The following AGAP1 variants were observed in gnomAD, a reference collection of about 807,000 sequenced individuals.
AGAP1 encodes ArfGAP with GTPase domain, ankyrin repeat and PH domain 1.
Under a neutral mutation model 105.3 loss-of-function variants are expected in AGAP1, and 29 were observed. The observed-to-expected ratio is 0.28, with a 90% CI of 0.21 to 0.38. The LOEUF (loss-of-function observed/expected upper bound fraction) is 0.38. Among genes scored for constraint, AGAP1 ranks in the 10% least tolerant of loss-of-function variants. AGAP1 has a pLI of 1.00. For missense variants in AGAP1, 998 were observed against 1,165.1 expected (o/e 0.86, Z 2.09); for synonymous variants, 509 against 485.9 (o/e 1.05, Z -0.63).
intron 1 of AGAP1, among the ~76,000 whole-genome samples, chr2:235,629,268 T>TG (rs1447460667): frequency 3.7e-5 from 5 of 135,722 alleles, no homozygotes; most frequent in Non-Finnish European, 7.9e-5. Context: ...GTAGTAGTCA[T>TG]TGTGTGTGTG....
chr2:235,586,700 G>A lies in AGAP1; in HGVS notation c.163+91851G>A, dbSNP rs368140906. Among the ~76,000 whole-genome samples the A allele has an allele frequency of 3.9e-5, 6 of 152,290 alleles. No individual in the cohort carries two copies. Among genetic ancestry groups the A allele is most frequent in the South Asian group, 4.1e-4 (2 of 4,826 alleles). On this transcript the variant is annotated intron_variant, in intron 1 of 17. Coordinates refer to ENST00000304032, the MANE Select transcript of AGAP1 (RefSeq NM_001037131.3). The surrounding 1 kb of genome is among the most constrained non-coding windows in gnomAD (Gnocchi z 4.2). ...TGTGCAGGACTGCCCCGTACAGTAC[G>A]GCTTCTATGTGTGAACAACACAGAC... is the stretch of plus-strand genomic sequence containing the variant.
rs572942152 is a variant in AGAP1, at chr2:235,508,952, T to C, written c.163+14103T>C. 1.2e-4 allele frequency among the ~76,000 whole-genome samples: 18 copies of C among 152,302 alleles called. No homozygotes were observed. In the South Asian group the frequency reaches 3.5e-3, roughly 30 times the overall value. ...CAGTGCACGGGCGGGATGCCGAGTG[T>C]GTCGCCAAACTCCACCACTTTAGTC... On this transcript the variant is annotated intron_variant, in intron 1 of 17. Coordinates refer to ENST00000304032, the MANE Select transcript of AGAP1 (RefSeq NM_001037131.3).
At chr2:235,699,073 C>G (rs1035859915) in intron 1 of AGAP1, among the ~76,000 whole-genome samples, 2 of 151,014 alleles carry the variant, frequency 1.3e-5, no homozygotes, top group Non-Finnish European at 3.0e-5. Flanking sequence ...CAGACATCCC[C>G]CCCCCCCACC....
chr2:235,527,740 CAG>C (rs979868222), intron 1 of AGAP1, among the ~76,000 whole-genome samples: 1 of 152,118 alleles, frequency 6.6e-6, no homozygotes, highest in African/African-American at 2.4e-5. Flanking sequence ...ACGGTAGAAA[CAG>C]GGTGGAAAAA....
At chr2:235,649,008 C>T (rs764413877) in intron 1 of AGAP1, among the ~76,000 whole-genome samples, 2 of 152,106 alleles carry the variant, frequency 1.3e-5, no homozygotes, top group Non-Finnish European at 2.9e-5. Flanking sequence ...TTGGGGGACT[C>T]GGAACAGGGT....
intron 6 of AGAP1, among the ~76,000 whole-genome samples, chr2:235,778,679 G>A (rs1401736729): frequency 6.6e-6 from 1 of 152,198 alleles, no homozygotes; most frequent in Admixed American, 6.5e-5. Context: ...GGAAACTGGT[G>A]ATGATAGAGG....
chr2:235,644,551 AG>A (rs1397271575), intron 1 of AGAP1, among the ~76,000 whole-genome samples: 1 of 152,172 alleles, frequency 6.6e-6, no homozygotes, highest in Admixed American at 6.5e-5. Flanking sequence ...CCAGAACTGG[AG>A]ACCAACCATT....
intron 5 of AGAP1, among the ~76,000 whole-genome samples, chr2:235,745,834 C>T (rs1168928164): frequency 2.0e-5 from 3 of 152,232 alleles, no homozygotes; most frequent in Non-Finnish European, 4.4e-5. Context: ...GCATAAACCA[C>T]AAACATTTTC....
chr2:235,535,975 G>C lies in AGAP1; in HGVS notation c.163+41126G>C, dbSNP rs1489309929. On this transcript the variant is annotated intron_variant, in intron 1 of 17. Transcript: ENST00000304032. This position sits in a 1 kb window ranked among gnomAD's most constrained non-coding sequence, Gnocchi z 5.1. ...GCCCCATCTGCTTCCTGCTCTCCCA[G>C]AGCCGGCCTCACCTTCGAGACTCAT... Among the ~76,000 whole-genome samples, 1 of 152,004 alleles carries C rather than the reference G, an allele frequency of 6.6e-6. No homozygotes were observed. Among genetic ancestry groups the C allele is most frequent in the Non-Finnish European group, 1.5e-5 (1 of 68,024 alleles).
intron 1 of AGAP1, among the ~76,000 whole-genome samples, chr2:235,516,142 C>G (rs1942377095): frequency 6.6e-6 from 1 of 152,000 alleles, no homozygotes; most frequent in African/African-American, 2.4e-5. Context: ...TCCTTCTGCT[C>G]CCCGACTTCA....
At chr2:236,085,287 TAGAGAA>T (rs1415291001) in intron 16 of AGAP1, among the ~76,000 whole-genome samples, 1 of 147,100 alleles carries the variant, frequency 6.8e-6, no homozygotes, top group African/African-American at 2.5e-5. Flanking sequence ...CCAGGACAAA[TAGAGAA>T]GGGGTGGTAG....
Position 235,615,294 on chromosome 2 carries a change from C to T in AGAP1, c.164-93885C>T, listed in dbSNP as rs934638132. ...GACTTCAAAGGGCATGTGACTACAG[C>T]ATCCATCCTCCCTGCTCTGCCTCGC... On this transcript the variant is annotated intron_variant, in intron 1 of 17. Coordinates refer to ENST00000304032, the MANE Select transcript of AGAP1 (RefSeq NM_001037131.3). This position sits in a 1 kb window ranked among gnomAD's most constrained non-coding sequence, Gnocchi z 5.0. Among the ~76,000 whole-genome samples the T allele has an allele frequency of 6.6e-6, 1 of 152,200 alleles. No homozygotes were observed. The highest frequency in any genetic ancestry group is 1.5e-5 in the Non-Finnish European group (1 of 68,036).
At chr2:235,626,531 A>G (rs1334810284) in intron 1 of AGAP1, among the ~76,000 whole-genome samples, 2 of 149,278 alleles carry the variant, frequency 1.3e-5, no homozygotes, top group African/African-American at 4.8e-5. Context: ...CTGGAAAGGC[A>G]TACGCCAGAA....
In AGAP1 at chr2:235,620,526, C is replaced by T. The variant is rs1946443191; in HGVS notation, c.164-88653C>T. 6.6e-6 allele frequency among the ~76,000 whole-genome samples: 1 copy of T among 152,140 alleles called. No homozygotes were observed. The highest frequency in any genetic ancestry group is 2.4e-5 in the African/African-American group (1 of 41,440). Reference sequence around the variant, plus strand: ...TCTTTTTGGAAAACCTTCCTGGGGGCCCTTGCAGCTTGGCCCTCGCATCCT... The same window carrying T: ...TCTTTTTGGAAAACCTTCCTGGGGGTCCTTGCAGCTTGGCCCTCGCATCCT... On this transcript the variant is annotated intron_variant, in intron 1 of 17. Transcript: ENST00000304032. The surrounding 1 kb of genome is among the most constrained non-coding windows in gnomAD (Gnocchi z 4.5).
intron 1 of AGAP1, among the ~76,000 whole-genome samples, chr2:235,528,059 C>T (rs1302905673): frequency 3.9e-5 from 6 of 152,114 alleles, no homozygotes; most frequent in Non-Finnish European, 1.5e-5. Context: ...TTCATGATAA[C>T]CTCATTAGGC....
Position 235,604,406 on chromosome 2 carries a change from C to T in AGAP1, c.164-104773C>T, listed in dbSNP as rs190544798. Among the ~76,000 whole-genome samples, 639 of 150,634 alleles carry T rather than the reference C, an allele frequency of 4.2e-3. 7 individuals are homozygous for T. Among genetic ancestry groups the T allele is most frequent in the South Asian group, 0.025 (117 of 4,750 alleles). On this transcript the variant is annotated intron_variant, in intron 1 of 17. Coordinates refer to ENST00000304032, the MANE Select transcript of AGAP1 (RefSeq NM_001037131.3). ...CTGAGGCAGGAAGATCCTTTGAGCC[C>T]GGGAGGTTGAGGCTGTAGAAAACCA...
At chr2:235,895,614 C>G (rs192708706) in intron 10 of AGAP1, among the ~76,000 whole-genome samples, 1 of 152,312 alleles carries the variant, frequency 6.6e-6, no homozygotes, top group East Asian at 1.9e-4. Context: ...GGCCATCTCT[C>G]TGATTCTCCC....
chr2:235,865,873 C>T lies in AGAP1; in HGVS notation c.1051-17472C>T, dbSNP rs571687387. Among the ~76,000 whole-genome samples, 2 of 152,234 alleles carry T rather than the reference C, an allele frequency of 1.3e-5. No homozygotes were observed. The highest frequency in any genetic ancestry group is 4.1e-4 in the South Asian group (2 of 4,822). On this transcript the variant is annotated intron_variant, in intron 9 of 17. Coordinates refer to ENST00000304032, the MANE Select transcript of AGAP1 (RefSeq NM_001037131.3). This position sits in a 1 kb window ranked among gnomAD's most constrained non-coding sequence, Gnocchi z 6.2. ...GGATGTGAATTTGCCAGAAGTTTTC[C>T]GTTTGTGGAGGACTGGGGAAAGCCA...
chr2:235,602,388 C>T (rs1022251848), intron 1 of AGAP1, among the ~76,000 whole-genome samples: 5 of 152,154 alleles, frequency 3.3e-5, no homozygotes, highest in Non-Finnish European at 7.3e-5. Context: ...CTCCCTGGCC[C>T]GTGGCAGTGG....
Sources: allele counts gnomAD v4.1 joint callset (sites outside exome capture counted in the v4.1 genomes callset), GRCh38; gene constraint gnomAD v4.1.1; non-coding constraint Gnocchi (gnomAD v3.1); transcripts MANE v1.5; gene names NCBI Gene and HGNC (gene_info 2026-07-23, HGNC 2026-07-21).